INO80D: variants seen among roughly 807,000 people sequenced by gnomAD.
The protein encoded by INO80D is INO80 complex subunit D.
Under a neutral mutation model 87.6 loss-of-function variants are expected in INO80D, and 21 were observed. The observed-to-expected ratio is 0.24, with a 90% CI of 0.17 to 0.35. The LOEUF (loss-of-function observed/expected upper bound fraction) is 0.35. Among genes scored for constraint, INO80D ranks in the 10% least tolerant of loss-of-function variants. The pLI is 1.00. For missense variants in INO80D, 982 were observed against 1,280.7 expected (o/e 0.77, Z 3.56); for synonymous variants, 440 against 491.0 (o/e 0.90, Z 1.37).
At chr2:206,058,140 G>C (rs896522111) in intron 3 of INO80D, among the ~76,000 whole-genome samples, 1 of 152,160 alleles carries the variant, frequency 6.6e-6, no homozygotes, top group African/African-American at 2.4e-5. Context: ...ACCTATAAAG[G>C]CCGGGCACAA....
At position 205,998,201 on chromosome 2, in the gene INO80D, G is replaced by C. The variant is rs1242028427; in HGVS notation, c.*6167C>G. On this transcript the variant is annotated 3_prime_UTR_variant, in exon 11 of 11. Transcript: ENST00000403263. ...AGCTACAGTAGTTGGAGTTTTACTT[G>C]ATCTATGTATTTCTATGTACCCTGT... The C allele has an allele frequency of 1.3e-5, 2 of 152,020 alleles. No individual in the cohort carries two copies. Among genetic ancestry groups the C allele is most frequent in the African/African-American group, 4.8e-5 (2 of 41,404 alleles). 9.4% of individuals were successfully genotyped at this position (152,020 alleles called of 1,614,324 possible). A position where few individuals can be genotyped will look rare whatever the true frequency, so the allele number is the denominator to read the frequency against.
Position 206,001,531 on chromosome 2 carries a change from T to C in INO80D, c.*2837A>G, listed in dbSNP as rs1291841224. 1 of 152,226 alleles carries C rather than the reference T, an allele frequency of 6.6e-6. No individual in the cohort carries two copies. Among genetic ancestry groups the C allele is most frequent in the Non-Finnish European group, 1.5e-5 (1 of 68,034 alleles). 9.4% of individuals were successfully genotyped at this position (152,226 alleles called of 1,614,324 possible). A position where few individuals can be genotyped will look rare whatever the true frequency, so the allele number is the denominator to read the frequency against. ...GCCTTGTGATAGCATAAGTGCTATT[T>C]TAAAAGATACTAATTTTCATATTTC... On this transcript the variant is annotated 3_prime_UTR_variant, in exon 11 of 11. Transcript: ENST00000403263.
chr2:206,084,119 C>T (rs928435049), intron 1 of INO80D, among the ~76,000 whole-genome samples: 3 of 150,296 alleles, frequency 2.0e-5, no homozygotes, highest in African/African-American at 7.4e-5. Flanking sequence ...CAAAATATAG[C>T]TAAAATTGAA....
At chr2:206,075,039 C>CAAAAAAAAAA (rs56081344) in intron 1 of INO80D, among the ~76,000 whole-genome samples, 6 of 117,698 alleles carry the variant, frequency 5.1e-5, no homozygotes, top group South Asian at 2.8e-4. Flanking sequence ...AACTCCATCT[C>CAAAAAAAAAA]AAAAAAAAAA....
Position 206,085,331 on chromosome 2 carries a change from G to C in INO80D, c.-124+570C>G, listed in dbSNP as rs996569337. 1.3e-5 allele frequency among the ~76,000 whole-genome samples: 2 copies of C among 151,714 alleles called. No individual in the cohort carries two copies. Among genetic ancestry groups the C allele is most frequent in the African/African-American group, 4.8e-5 (2 of 41,324 alleles). On this transcript the variant is annotated intron_variant, in intron 1 of 10. Transcript: ENST00000403263. This position sits in a 1 kb window ranked among gnomAD's most constrained non-coding sequence, Gnocchi z 4.5. ...ATTCAACTCTTACCGGAATCTGGGG[G>C]CCGTCTGCGAGAGACCCGGGGGAAG...
rs566783773 is a variant in INO80D, at chr2:206,045,278, G to C, written c.1073+1226C>G. The stretch of plus-strand genomic sequence containing the variant: ...TTATAAGCTGGCATTTTAGTGTACA[G>C]ATTAGTCTCTAGTGAATCAGTTCCC... On this transcript the variant is annotated intron_variant, in intron 5 of 10. Transcript: ENST00000403263. 3.9e-5 allele frequency among the ~76,000 whole-genome samples: 6 copies of C among 152,280 alleles called. No homozygotes were observed. The East Asian group carries it at 1.2e-3, about 29-fold the overall frequency.
At chr2:206,074,474 A>G (rs1290072345) in intron 1 of INO80D, among the ~76,000 whole-genome samples, 1 of 152,162 alleles carries the variant, frequency 6.6e-6, no homozygotes, top group Non-Finnish European at 1.5e-5. Context: ...TTAGCCGGGC[A>G]TGATTGCGGG....
chr2:206,010,844 G>A lies in INO80D; in HGVS notation c.1543-1050C>T, dbSNP rs530509749. The stretch of plus-strand genomic sequence containing the variant: ...CTGTAATCCCAGCACTTTGGGAGCC[G>A]AGGTGGGTGGATCACCTGAGGTCAG... On this transcript the variant is annotated intron_variant, in intron 8 of 10. Transcript: ENST00000403263. Among the ~76,000 whole-genome samples the A allele has an allele frequency of 5.9e-5, 9 of 152,164 alleles. No homozygotes were observed. The South Asian group carries it at 1.2e-3, about 21-fold the overall frequency.
At chr2:206,024,533 T>C (rs188556607) in intron 6 of INO80D, among the ~76,000 whole-genome samples, 24 of 152,196 alleles carry the variant, frequency 1.6e-4, no homozygotes, top group Non-Finnish European at 2.9e-4. Flanking sequence ...ACATATGGTA[T>C]ATTAGATACT....
chr2:206,070,470 T>C (rs13384909), intron 1 of INO80D, among the ~76,000 whole-genome samples: 101,125 of 151,004 alleles, frequency 0.67, 34,315 homozygotes, highest in African/African-American at 0.77. Flanking sequence ...CCTGTAATCC[T>C]AGCACTTTGG....
chr2:206,025,544 T>C (rs865834386), intron 6 of INO80D: 1 of 76,898 alleles, frequency 1.3e-5, no homozygotes, highest in East Asian at 3.3e-4. Flanking sequence ...AAAAAAAAAA[T>C]ATATATATAT....
rs1437895187 is a variant in INO80D, at chr2:206,001,600, A to T, written c.*2768T>A. ...ATTCCTTTCTATACATATTAATAGCAAAGTTCCTACTAATAGACGAGAATG... is the reference window on the plus strand; with the variant it reads ...ATTCCTTTCTATACATATTAATAGCTAAGTTCCTACTAATAGACGAGAATG... On this transcript the variant is annotated 3_prime_UTR_variant, in exon 11 of 11. Coordinates refer to ENST00000403263, the MANE Select transcript of INO80D (RefSeq NM_017759.5). The T allele has an allele frequency of 6.6e-6, 1 of 152,222 alleles. No homozygotes were observed. Among genetic ancestry groups the T allele is most frequent in the Non-Finnish European group, 1.5e-5 (1 of 68,032 alleles). The allele number at this position is 152,222 out of a possible 1,614,324, so 9.4% of individuals were successfully genotyped here.
At chr2:206,034,234 CCTA>C (rs1688838843) in intron 5 of INO80D, among the ~76,000 whole-genome samples, 1 of 152,114 alleles carries the variant, frequency 6.6e-6, no homozygotes, top group East Asian at 1.9e-4. Flanking sequence ...AGGAATCCTC[CCTA>C]CTTCATTCTA....
intron 10 of INO80D, 150 bp downstream of exon 10, chr2:206,007,134 A>C: frequency 1.5e-6 from 1 of 686,338 alleles, no homozygotes; most frequent in Admixed American, 3.1e-5. Flanking sequence ...TGAAAGGGTT[A>C]AAATAGCTGC....
chr2:206,081,573 G>A (rs1690283879), intron 1 of INO80D, among the ~76,000 whole-genome samples: 1 of 151,738 alleles, frequency 6.6e-6, no homozygotes, highest in Admixed American at 6.6e-5. Context: ...GGCAACATGG[G>A]GAAACCCTGT....
chr2:206,075,039 CAA>C (rs56081344), intron 1 of INO80D, among the ~76,000 whole-genome samples: 4 of 117,700 alleles, frequency 3.4e-5, no homozygotes, highest in Admixed American at 8.9e-5. Flanking sequence ...AACTCCATCT[CAA>C]AAAAAAAAAA....
At chr2:206,082,563 T>G (rs1473300542) in intron 1 of INO80D, among the ~76,000 whole-genome samples, 1 of 152,244 alleles carries the variant, frequency 6.6e-6, no homozygotes, top group Non-Finnish European at 1.5e-5. Context: ...AGCACAGAGC[T>G]GCATGTGTAA....
chr2:206,046,872 C>G (rs1689208818), intron 4 of INO80D, among the ~76,000 whole-genome samples: 1 of 151,986 alleles, frequency 6.6e-6, no homozygotes, highest in Non-Finnish European at 1.5e-5. Flanking sequence ...ACCTCTGCCT[C>G]CCGGGTTCAG....
intron 5 of INO80D, among the ~76,000 whole-genome samples, chr2:206,045,901 T>A (rs1689181238): frequency 6.6e-6 from 1 of 152,194 alleles, no homozygotes; most frequent in Non-Finnish European, 1.5e-5. Flanking sequence ...CCTCAACCTA[T>A]GTGGGCCTTG....
Sources: allele counts gnomAD v4.1 joint callset (sites outside exome capture counted in the v4.1 genomes callset), GRCh38; gene constraint gnomAD v4.1.1; non-coding constraint Gnocchi (gnomAD v3.1); transcripts MANE v1.5; gene names NCBI Gene and HGNC (gene_info 2026-07-23, HGNC 2026-07-21).